CNGA1: variants seen among roughly 807,000 people sequenced by gnomAD.
The protein encoded by CNGA1 is cyclic nucleotide-gated channel alpha-1.
CNGA1 carries 53 observed loss-of-function variants against 69.7 expected under a neutral mutation model. The ratio of observed to expected loss-of-function variants is 0.76; its 90% confidence interval spans 0.61 to 0.96. The LOEUF is 0.96. Among genes scored for constraint, CNGA1 ranks in the 40% least tolerant of loss-of-function variants. CNGA1 has a pLI of 0.00. For synonymous variants in CNGA1, 249 were observed against 283.5 expected, an observed-to-expected ratio of 0.88 and a Z score of 1.22; for missense variants, 739 against 811.2, an observed-to-expected ratio of 0.91 and a Z score of 1.08.
At chr4:48,013,551 TG>T (rs1715254145) in intron 1 of CNGA1, among the ~76,000 whole-genome samples, 1 of 152,152 alleles carries the variant, frequency 6.6e-6, no homozygotes, top group African/African-American at 2.4e-5. Context: ...AAGAGACAAA[TG>T]GTTGCATTAT....
chr4:47,991,187 C>G (rs1742249084), intron 2 of CNGA1, among the ~76,000 whole-genome samples: 1 of 152,182 alleles, frequency 6.6e-6, no homozygotes, highest in African/African-American at 2.4e-5. Flanking sequence ...ACTGGGATTG[C>G]TGGATCAAAT....
chr4:48,002,783 G>T (rs945146544), intron 2 of CNGA1, among the ~76,000 whole-genome samples: 1 of 152,016 alleles, frequency 6.6e-6, no homozygotes, highest in Non-Finnish European at 1.5e-5. Flanking sequence ...GAGTAATTGG[G>T]GAAGCTCATA....
chr4:47,965,551 C>T (rs767823906), intron 3 of CNGA1, among the ~76,000 whole-genome samples: 7 of 151,806 alleles, frequency 4.6e-5, no homozygotes, highest in Non-Finnish European at 8.8e-5. Context: ...CTCAGCCTCC[C>T]GAGTAGCTGG....
chr4:47,947,496 C>T (rs111690129), intron 6 of CNGA1, among the ~76,000 whole-genome samples: 25 of 152,040 alleles, frequency 1.6e-4, no homozygotes, highest in African/African-American at 4.1e-4. Context: ...GCCAACATGG[C>T]GAAACCCCAC....
At chr4:47,970,329 C>G (rs1486869508) in intron 3 of CNGA1, among the ~76,000 whole-genome samples, 2 of 152,070 alleles carry the variant, frequency 1.3e-5, no homozygotes, top group Non-Finnish European at 2.9e-5. Context: ...CCTGATCTCA[C>G]CACCACCTCC....
chr4:47,953,521 C>T (rs1290585079), intron 3 of CNGA1, among the ~76,000 whole-genome samples: 1 of 152,206 alleles, frequency 6.6e-6, no homozygotes, highest in Non-Finnish European at 1.5e-5. Context: ...AAATTGATCA[C>T]ATTTTTAGCA....
chr4:47,954,753 C>CA (rs1236888139), intron 3 of CNGA1, among the ~76,000 whole-genome samples: 1 of 152,236 alleles, frequency 6.6e-6, no homozygotes. Flanking sequence ...AAAACGTGCA[C>CA]ATGTGAGGCA....
intron 2 of CNGA1, among the ~76,000 whole-genome samples, chr4:48,002,814 T>A (rs1418375703): frequency 6.6e-6 from 1 of 152,018 alleles, no homozygotes; most frequent in Non-Finnish European, 1.5e-5. Flanking sequence ...TCCGGAATAA[T>A]GGCTGGCAAT....
In CNGA1 at chr4:47,937,678, T is replaced by A. The variant is rs760868392; in HGVS notation, c.804A>T (p.Leu268Phe). Reference protein sequence around the residue: ...KLGWNYPEIRLNRLLRFSRMF... With the variant: ...KLGWNYPEIRFNRLLRFSRMF... ...TACGAGAGAACCGTAACAACCTGTT[T>A]AATCTAATTTCTGGATAGTTCCACC... The change falls in exon 11 of 11, where the codon TTA becomes TTT. Residue 268 changes from leucine to phenylalanine, a missense_variant. By Grantham distance (22) the Leu-to-Phe change is conservative. Coordinates refer to ENST00000514170, the MANE Select transcript of CNGA1 (RefSeq NM_001379270.1). The A allele has an allele frequency of 7.4e-6, 12 of 1,614,054 alleles. No individual in the cohort carries two copies. Among genetic ancestry groups the A allele is most frequent in the African/African-American group, 2.7e-5 (2 of 74,942 alleles).
intron 2 of CNGA1, among the ~76,000 whole-genome samples, chr4:48,008,243 C>T (rs1179162164): frequency 6.6e-6 from 1 of 152,112 alleles, no homozygotes; most frequent in Non-Finnish European, 1.5e-5. Flanking sequence ...CATGCTTGGA[C>T]TTTCTGGTTT....
chr4:48,011,934 A>T (rs539309933), intron 1 of CNGA1, among the ~76,000 whole-genome samples: 12 of 152,322 alleles, frequency 7.9e-5, no homozygotes, highest in Admixed American at 3.9e-4. Flanking sequence ...AATGTTTCCT[A>T]TTCAGATCTT....
intron 3 of CNGA1, among the ~76,000 whole-genome samples, chr4:47,979,553 G>A (rs375755953): frequency 6.6e-6 from 1 of 152,096 alleles, no homozygotes; most frequent in East Asian, 1.9e-4. Context: ...GGATATAGTA[G>A]AAAACAAAGG....
At chr4:48,008,146 C>A (rs1355358457) in intron 2 of CNGA1, among the ~76,000 whole-genome samples, 1 of 151,812 alleles carries the variant, frequency 6.6e-6, no homozygotes, top group Non-Finnish European at 1.5e-5. Context: ...TGTAATTTCC[C>A]TTTAACTACA....
chr4:48,002,887 C>T (rs1714725756), intron 2 of CNGA1, among the ~76,000 whole-genome samples: 1 of 152,086 alleles, frequency 6.6e-6, no homozygotes, highest in Non-Finnish European at 1.5e-5. Flanking sequence ...GATGGCCTCC[C>T]ATTAGCTTTA....
At chr4:47,959,872 C>T (rs1160953207) in intron 3 of CNGA1, among the ~76,000 whole-genome samples, 1 of 152,126 alleles carries the variant, frequency 6.6e-6, no homozygotes, top group Non-Finnish European at 1.5e-5. Flanking sequence ...TCCCAAAGTG[C>T]TGGGATTACA....
chr4:47,972,161 T>C (rs1234085150), intron 3 of CNGA1, among the ~76,000 whole-genome samples: 1 of 152,218 alleles, frequency 6.6e-6, no homozygotes, highest in South Asian at 2.1e-4. Context: ...TTTTGGAAAT[T>C]ATCTATGCTA....
intron 10 of CNGA1, among the ~76,000 whole-genome samples, chr4:47,938,182 A>G (rs1738799444): frequency 6.7e-6 from 1 of 148,920 alleles, no homozygotes; most frequent in Non-Finnish European, 1.5e-5. Context: ...TCAAAAAAAA[A>G]AAAAGAAAAA....
chr4:47,955,922 G>A (rs1232172119), intron 3 of CNGA1, among the ~76,000 whole-genome samples: 2 of 152,216 alleles, frequency 1.3e-5, no homozygotes, highest in African/African-American at 2.4e-5. Flanking sequence ...CTATACTCAT[G>A]AGACATTTCA....
chr4:48,011,205 G>T (rs1715143759), intron 1 of CNGA1, among the ~76,000 whole-genome samples: 1 of 152,028 alleles, frequency 6.6e-6, no homozygotes, highest in Non-Finnish European at 1.5e-5. Flanking sequence ...AGCTAGGCTT[G>T]GGGATTCCTT....
Sources: allele counts gnomAD v4.1 joint callset (sites outside exome capture counted in the v4.1 genomes callset), GRCh38; gene constraint gnomAD v4.1.1; transcripts MANE v1.5; gene names NCBI Gene and HGNC (gene_info 2026-07-23, HGNC 2026-07-21).